Variants in UBE2E3 observed in about 807,000 individuals in gnomAD.
UBE2E3 encodes the protein ubiquitin conjugating enzyme E2 E3, also known as ubiquitin-conjugating enzyme E2 E3.
UBE2E3 carries 5 observed loss-of-function variants against 23.6 expected under a neutral mutation model. The observed-to-expected ratio is 0.21, with a 90% CI of 0.11 to 0.44. UBE2E3 has a LOEUF of 0.44. Ranked by LOEUF, UBE2E3 falls within the 20% of genes least tolerant of loss-of-function variation. The pLI, the probability that UBE2E3 is intolerant of heterozygous loss-of-function variation, is 0.99. For missense variants in UBE2E3, 81 were observed against 249.8 expected (o/e 0.32, Z 4.55); for synonymous variants, 78 against 87.5 (o/e 0.89, Z 0.60).
At chr2:181,045,396 TC>T (rs1463437235) in intron 3 of UBE2E3, among the ~76,000 whole-genome samples, 1 of 152,204 alleles carries the variant, frequency 6.6e-6, no homozygotes, top group Non-Finnish European at 1.5e-5. Flanking sequence ...TATAATAGCT[TC>T]TTACATCTTT....
At chr2:181,038,810 G>GGTTACT (rs1686382188) in intron 3 of UBE2E3, among the ~76,000 whole-genome samples, 1 of 152,174 alleles carries the variant, frequency 6.6e-6, no homozygotes. Flanking sequence ...GAAGCTGTAT[G>GGTTACT]AATAACAGTG....
intron 2 of UBE2E3, among the ~76,000 whole-genome samples, 156 bp downstream of exon 2, chr2:180,982,392 A>G (rs775056716): frequency 2.0e-5 from 3 of 152,212 alleles, no homozygotes; most frequent in Non-Finnish European, 4.4e-5. Flanking sequence ...TTTAGGTGGT[A>G]TGTAAGCAAC....
chr2:180,998,341 G>C (rs937564645), intron 3 of UBE2E3, among the ~76,000 whole-genome samples: 2 of 151,986 alleles, frequency 1.3e-5, no homozygotes, highest in Non-Finnish European at 2.9e-5. Context: ...GTAGGCCAAG[G>C]GTGGCCTACT....
intron 3 of UBE2E3, among the ~76,000 whole-genome samples, chr2:181,012,254 AT>A (rs1487969151): frequency 6.6e-6 from 1 of 152,216 alleles, no homozygotes; most frequent in East Asian, 1.9e-4. Context: ...CAAAGTATAC[AT>A]GTACTAGTAT....
chr2:181,002,492 T>G (rs925082101), intron 3 of UBE2E3, among the ~76,000 whole-genome samples: 3 of 152,202 alleles, frequency 2.0e-5, no homozygotes, highest in Non-Finnish European at 2.9e-5. Flanking sequence ...TTCATAGATT[T>G]GATTGCCATG....
chr2:180,998,065 C>T (rs1684881004), intron 3 of UBE2E3, among the ~76,000 whole-genome samples: 1 of 152,118 alleles, frequency 6.6e-6, no homozygotes, highest in Non-Finnish European at 1.5e-5. Context: ...TTTTAATTAA[C>T]TTAGTTGAAA....
intron 3 of UBE2E3, chr2:180,989,992 C>A (rs767210651): frequency 6.1e-5 from 94 of 1,531,604 alleles, no homozygotes; most frequent in Non-Finnish European, 8.1e-5. Flanking sequence ...ATAATAAAAT[C>A]ACTTGTAAAT....
chr2:181,062,832 A>G lies in UBE2E3; in HGVS notation c.568A>G (p.Asn190Asp). The stretch of plus-strand genomic sequence containing the variant: ...AAGCATAGCCACTCAGTATTTGACC[A>G]ACAGAGCAGAACACGACAGGATAGC... ...VGSIATQYLT[N>D]RAEHDRIARQ... The change falls in exon 6 of 6, where the codon AAC (asparagine) becomes GAC (aspartate). Residue 190 changes from asparagine (N) to aspartate (D), a missense_variant. Physicochemically the swap from Asn to Asp is conservative, Grantham distance 23. Transcript: ENST00000410062. 6.2e-7 allele frequency: 1 copy of G among 1,607,852 alleles called. No individual in the cohort carries two copies. Among genetic ancestry groups the G allele is most frequent in the Non-Finnish European group, 8.5e-7 (1 of 1,176,222 alleles).
chr2:181,043,481 T>C (rs1191741621), intron 3 of UBE2E3, among the ~76,000 whole-genome samples: 1 of 152,208 alleles, frequency 6.6e-6, no homozygotes, highest in Non-Finnish European at 1.5e-5. Context: ...TAAATGAGTT[T>C]TGTGTTTAGA....
chr2:181,055,363 C>T (rs906027283), intron 3 of UBE2E3, among the ~76,000 whole-genome samples: 9 of 151,814 alleles, frequency 5.9e-5, no homozygotes, highest in East Asian at 1.9e-4. Flanking sequence ...CAGAGAGTGT[C>T]GGTCAGTTGC....
intron 3 of UBE2E3, among the ~76,000 whole-genome samples, chr2:181,045,748 A>G (rs909627531): frequency 1.3e-5 from 2 of 152,138 alleles, no homozygotes; most frequent in Admixed American, 1.3e-4. Flanking sequence ...GTACCTCTTA[A>G]GAAGGTTGCT....
chr2:181,004,629 T>G (rs1375947079), intron 3 of UBE2E3, among the ~76,000 whole-genome samples: 2 of 150,194 alleles, frequency 1.3e-5, no homozygotes, highest in Non-Finnish European at 3.0e-5. Flanking sequence ...AGACTCCATC[T>G]CAAAAAAAAA....
intron 3 of UBE2E3, among the ~76,000 whole-genome samples, chr2:180,984,969 C>A (rs1212162850): frequency 6.6e-6 from 1 of 151,970 alleles, no homozygotes; most frequent in Non-Finnish European, 1.5e-5. Context: ...AGGAATTAGG[C>A]AGTTTTATGG....
intron 3 of UBE2E3, among the ~76,000 whole-genome samples, chr2:181,029,541 G>A (rs1289244545): frequency 6.6e-6 from 1 of 151,270 alleles, no homozygotes; most frequent in Non-Finnish European, 1.5e-5. Flanking sequence ...TATTTTTGAT[G>A]CTTTTGTAAG....
intron 3 of UBE2E3, among the ~76,000 whole-genome samples, chr2:181,017,580 CT>C (rs1559122675): frequency 6.6e-6 from 1 of 151,408 alleles, no homozygotes; most frequent in Non-Finnish European, 1.5e-5. Context: ...GCATACCATC[CT>C]TTTGGGAAAT....
chr2:181,050,778 A>C (rs962169395), intron 3 of UBE2E3, among the ~76,000 whole-genome samples: 1 of 151,820 alleles, frequency 6.6e-6, no homozygotes. Flanking sequence ...CAGGATTACT[A>C]CTATTGAGTT....
intron 3 of UBE2E3, among the ~76,000 whole-genome samples, chr2:181,009,857 A>G (rs1362194858): frequency 2.0e-5 from 3 of 152,160 alleles, no homozygotes; most frequent in African/African-American, 7.2e-5. Flanking sequence ...ACTTAGCTAT[A>G]TACTTTATAA....
At chr2:181,028,987 T>C (rs1340519915) in intron 3 of UBE2E3, among the ~76,000 whole-genome samples, 1 of 152,176 alleles carries the variant, frequency 6.6e-6, no homozygotes, top group African/African-American at 2.4e-5. Flanking sequence ...CCCTTAGTGT[T>C]CCAAATTTAT....
intron 3 of UBE2E3, among the ~76,000 whole-genome samples, chr2:181,004,010 G>C (rs1213465151): frequency 6.6e-6 from 1 of 152,204 alleles, no homozygotes; most frequent in Non-Finnish European, 1.5e-5. Flanking sequence ...TCTGACTGAA[G>C]GTCATGCTCT....
Sources: gnomAD v4.1 joint callset for allele counts (sites outside exome capture counted in the v4.1 genomes callset) on GRCh38, gnomAD v4.1.1 for gene constraint, MANE v1.5 for transcripts, NCBI Gene and HGNC (gene_info 2026-07-23, HGNC 2026-07-21) for gene names.